Variants in SIGLEC9 observed in about 807,000 individuals in gnomAD.
SIGLEC9 encodes sialic acid binding Ig like lectin 9.
In SIGLEC9, 26 loss-of-function variants were observed where a neutral mutation model predicts 38.3. The ratio of observed to expected loss-of-function variants is 0.68; its 90% CI spans 0.50 to 0.94. SIGLEC9 has a LOEUF of 0.94. Ranked by LOEUF, SIGLEC9 falls within the 40% of genes least tolerant of loss-of-function variation. The pLI is 0.00. For missense variants in SIGLEC9, 556 were observed against 585.7 expected (o/e 0.95, Z 0.52); for synonymous variants, 236 against 248.0 (o/e 0.95, Z 0.45).
intron 6 of SIGLEC9, among the ~76,000 whole-genome samples, chr19:51,129,303 C>T (rs979593225): frequency 4.4e-4 from 66 of 149,818 alleles, no homozygotes; most frequent in African/African-American, 1.4e-3. Flanking sequence ...GGACTACAGG[C>T]GCCTGCCACC....
chr19:51,128,672 A>C (rs777148482), intron 6 of SIGLEC9, 162 bp downstream of exon 6: 52 of 627,412 alleles, frequency 8.3e-5, no homozygotes, highest in East Asian at 5.7e-5. Flanking sequence ...TTCCTCCCCT[A>C]AGAACAGCTT....
chr19:51,125,528 GC>G, intron 1 of SIGLEC9, 68 bp from the exon 2 acceptor site: 6 of 1,581,132 alleles, frequency 3.8e-6, no homozygotes, highest in Non-Finnish European at 4.3e-6. Flanking sequence ...CTGGACCAGA[GC>G]CTGAGCTCCC....
Position 51,125,003 on chromosome 19 carries a change from G to T in SIGLEC9, c.29G>T (p.Trp10Leu), listed in dbSNP as rs1459322979. 6.2e-7 allele frequency: 1 copy of T among 1,610,730 alleles called. No homozygotes were observed. The highest frequency in any genetic ancestry group is 1.1e-5 in the South Asian group (1 of 90,598). Residue 10 changes from tryptophan to leucine, a missense_variant, in exon 1 of 7, where the codon TGG becomes TTG. Physicochemically the swap from Trp to Leu is moderately conservative, Grantham distance 61. Transcript: ENST00000250360. ...CTGCTGCTGCTGCTGCCCCTGCTCT[G>T]GGGGAGGGAGAGGGCGGAAGGACAG... MLLLLLPLL[W>L]GRERAEGQTS...
chr19:51,123,549 C>T (rs140548172), upstream of SIGLEC9, among the ~76,000 whole-genome samples: 77 of 152,314 alleles, frequency 5.1e-4, no homozygotes, highest in African/African-American at 1.8e-3. Context: ...GAGGTATTCA[C>T]GGCAACGTGC....
chr19:51,120,734 G>C (rs568803664), upstream of SIGLEC9: 9 of 193,126 alleles, frequency 4.7e-5, no homozygotes, highest in Middle Eastern at 5.5e-3. The surrounding 1 kb of genome is among the most constrained non-coding windows in gnomAD (Gnocchi z 4.1). Context: ...TGTGACCATG[G>C]GGAGAACCAT....
rs1248080481 is a variant in SIGLEC9 at position 51,125,679 on chromosome 19, G to A, written c.504G>A (p.Trp168Ter). The A allele has an allele frequency of 1.9e-6, 3 of 1,613,794 alleles. No homozygotes were observed. Among genetic ancestry groups the A allele is most frequent in the African/African-American group, 1.3e-5 (1 of 74,886 alleles). Reference protein sequence around the residue: ...CPQNLTCSVPWACEQGTPPMI... With the variant: ...CPQNLTCSVP ...AGAATCTGACCTGCTCTGTGCCCTG[G>A]GCCTGTGAGCAGGGGACACCCCCTA... The change falls in exon 2 of 7, where the codon TGG becomes TGA. Residue 168 changes from tryptophan (W) to a stop codon, truncating the protein, a stop_gained. Transcript: ENST00000250360. LOFTEE classifies it high-confidence loss of function.
At position 51,128,467 on chromosome 19, in the gene SIGLEC9, C is replaced by T. The variant is rs746271295; in HGVS notation, c.1160C>T (p.Thr387Met). The T allele has an allele frequency of 1.5e-5, 24 of 1,613,948 alleles. No individual in the cohort carries two copies. Among genetic ancestry groups the T allele is most frequent in the South Asian group, 7.7e-5 (7 of 91,086 alleles). ...SARPAAGVGDTGIEDANAVRG... is the reference protein window; with the variant it reads ...SARPAAGVGDMGIEDANAVRG... ...AGGCCAGCAGCGGGCGTGGGAGATA[C>T]GGGCATAGAGGATGCAAACGCTGTC... Residue 387 changes from threonine (T) to methionine (M), a missense_variant, in exon 6 of 7, where the codon ACG (threonine) becomes ATG (methionine). Transcript: ENST00000250360.
At chr19:51,132,111 C>T (rs992199224), downstream of SIGLEC9, among the ~76,000 whole-genome samples, 1 of 152,090 alleles carries the variant, frequency 6.6e-6, no homozygotes, top group Non-Finnish European at 1.5e-5. Flanking sequence ...CTGTTACTTC[C>T]TGTGAGAGTT....
At chr19:51,128,190 T>C in intron 5 of SIGLEC9, 151 bp downstream of exon 5, 3 of 794,018 alleles carry the variant, frequency 3.8e-6, no homozygotes, top group Non-Finnish European at 6.3e-6. Context: ...GAATTCCATG[T>C]GGGCCTGTGT....
intron 3 of SIGLEC9, among the ~76,000 whole-genome samples, chr19:51,126,559 T>C (rs1268621128): frequency 6.6e-6 from 1 of 152,176 alleles, no homozygotes; most frequent in African/African-American, 2.4e-5. Flanking sequence ...CCACTGTCCA[T>C]CCAGGCTGCC....
downstream of SIGLEC9, among the ~76,000 whole-genome samples, chr19:51,130,649 G>A (rs1234705424): frequency 1.3e-5 from 2 of 152,116 alleles, no homozygotes; most frequent in Non-Finnish European, 2.9e-5. Context: ...CTGCTAGGCC[G>A]CCTTACTCTC....
chr19:51,135,859 A>G (rs774708845), intron 6 of SIGLEC9: 3 of 630,692 alleles, frequency 4.8e-6, no homozygotes, highest in African/African-American at 1.8e-5. Context: ...AGCTTAATCT[A>G]TTCTGATGTT....
downstream of SIGLEC9, among the ~76,000 whole-genome samples, chr19:51,134,832 T>C (rs1323887421): frequency 2.0e-5 from 3 of 152,222 alleles, no homozygotes; most frequent in African/African-American, 7.2e-5. Flanking sequence ...AGTTGCTAAT[T>C]TGGGATCTTT....
At chr19:51,132,966 T>C (rs1200565578), downstream of SIGLEC9, among the ~76,000 whole-genome samples, 1 of 151,776 alleles carries the variant, frequency 6.6e-6, no homozygotes, top group Non-Finnish European at 1.5e-5. Context: ...ATAAAATATA[T>C]GTATATGTGT....
At chr19:51,125,549 G>T in intron 1 of SIGLEC9, 48 bp from the exon 2 acceptor site, 1 of 1,601,380 alleles carries the variant, frequency 6.2e-7, no homozygotes, top group Non-Finnish European at 8.5e-7. Context: ...CCCCAGGGCT[G>T]CACCATGGAT....
rs1399102418 is a variant in SIGLEC9 at position 51,129,876 on chromosome 19, T to C, written c.1204-15T>C. On this transcript the variant is annotated splice_polypyrimidine_tract_variant and intron_variant, in intron 6 of 6. Coordinates refer to ENST00000250360, the MANE Select transcript of SIGLEC9 (RefSeq NM_014441.3). Reference sequence around the variant, plus strand: ...CACTGTCTGCTCTGACTCACTTCTCTCTCCCATGTCTCAGGGGCCCCTGAC... The same window carrying C: ...CACTGTCTGCTCTGACTCACTTCTCCCTCCCATGTCTCAGGGGCCCCTGAC... The C allele has an allele frequency of 1.9e-6, 3 of 1,551,358 alleles. No individual in the cohort carries two copies. Among genetic ancestry groups the C allele is most frequent in the Non-Finnish European group, 2.6e-6 (3 of 1,148,856 alleles).
intron 3 of SIGLEC9, among the ~76,000 whole-genome samples, chr19:51,126,354 G>T (rs377725145): frequency 2.0e-5 from 3 of 150,958 alleles, no homozygotes; most frequent in African/African-American, 4.9e-5. Flanking sequence ...CAAGAAGAGG[G>T]TGGCATTCAC....
upstream of SIGLEC9, among the ~76,000 whole-genome samples, chr19:51,121,761 A>G (rs1399680930): frequency 6.6e-6 from 1 of 151,210 alleles, no homozygotes; most frequent in Non-Finnish European, 1.5e-5. Flanking sequence ...TAATTTTTGT[A>G]CTTTTAGTAG....
At chr19:51,135,351 G>C (rs1195330403) in intron 6 of SIGLEC9, among the ~76,000 whole-genome samples, 1 of 152,114 alleles carries the variant, frequency 6.6e-6, no homozygotes, top group Non-Finnish European at 1.5e-5. Context: ...GTTTGGCAGG[G>C]TATGAAAATC....
Sources: allele counts gnomAD v4.1 joint callset (sites outside exome capture counted in the v4.1 genomes callset), GRCh38; gene constraint gnomAD v4.1.1; non-coding constraint Gnocchi (gnomAD v3.1); transcripts MANE v1.5; gene names NCBI Gene and HGNC (gene_info 2026-07-23, HGNC 2026-07-21).